VOPP1: variants seen among roughly 807,000 people sequenced by gnomAD.
VOPP1 encodes the protein WW domain binding protein VOPP1.
A neutral mutation model predicts 23.5 loss-of-function variants in VOPP1; 8 were observed. The observed-to-expected ratio is 0.34, with a 90% confidence interval of 0.20 to 0.61. The LOEUF (loss-of-function observed/expected upper bound fraction) is 0.61, where lower values mean the gene tolerates loss of function less well. Ranked by LOEUF, VOPP1 falls within the 20% of genes least tolerant of loss-of-function variation. The pLI is 0.78. For synonymous variants in VOPP1, 83 were observed against 97.3 expected, an observed-to-expected ratio of 0.85 and a Z score of 0.86; for missense variants, 174 against 238.1, an observed-to-expected ratio of 0.73 and a Z score of 1.77.
At chr7:55,522,423 G>T (rs1435739876) in intron 1 of VOPP1, among the ~76,000 whole-genome samples, 2 of 152,192 alleles carry the variant, frequency 1.3e-5, no homozygotes, top group African/African-American at 4.8e-5. Context: ...GTTAGCTCCT[G>T]TCCAGTTTAA....
At chr7:55,484,804 C>T (rs1352564937) in intron 4 of VOPP1, among the ~76,000 whole-genome samples, 1 of 152,164 alleles carries the variant, frequency 6.6e-6, no homozygotes, top group Admixed American at 6.5e-5. Context: ...AGCAACCCAC[C>T]CTACTGACAC....
intron 1 of VOPP1, among the ~76,000 whole-genome samples, chr7:55,536,866 G>A (rs541372264): frequency 6.6e-6 from 1 of 152,266 alleles, no homozygotes; most frequent in Non-Finnish European, 1.5e-5. Flanking sequence ...TCACTCAACA[G>A]GGCATTCAAT....
At chr7:55,500,927 C>T (rs55776013) in intron 2 of VOPP1, among the ~76,000 whole-genome samples, 33,154 of 152,142 alleles carry the variant, frequency 0.22, 4,137 homozygotes, top group African/African-American at 0.34. Context: ...CAAAGGGTCA[C>T]CTTCTCTATC....
intron 4 of VOPP1, among the ~76,000 whole-genome samples, chr7:55,446,135 G>C (rs1227701144): frequency 6.6e-6 from 1 of 151,988 alleles, no homozygotes; most frequent in East Asian, 1.9e-4. Context: ...TGGGACTACA[G>C]GTGCCCGCCA....
At chr7:55,525,359 G>A (rs1237792095) in intron 1 of VOPP1, among the ~76,000 whole-genome samples, 1 of 152,024 alleles carries the variant, frequency 6.6e-6, no homozygotes, top group African/African-American at 2.4e-5. Flanking sequence ...CGTGGTGGTG[G>A]GCGCCTGTAG....
intron 1 of VOPP1, among the ~76,000 whole-genome samples, chr7:55,565,042 C>G (rs1370701171): frequency 6.6e-6 from 1 of 152,196 alleles, no homozygotes; most frequent in Non-Finnish European, 1.5e-5. Flanking sequence ...ACATTGTTCT[C>G]TTGTTGACAG....
intron 4 of VOPP1, 56 bp from the exon 5 acceptor site, chr7:55,473,101 AGTAT>A: frequency 6.4e-7 from 1 of 1,555,424 alleles, no homozygotes; most frequent in Non-Finnish European, 8.6e-7. Context: ...TCACACCGCA[AGTAT>A]GTGCAGGCTG....
At chr7:55,554,207 T>C (rs1234104819) in intron 1 of VOPP1, among the ~76,000 whole-genome samples, 2 of 152,208 alleles carry the variant, frequency 1.3e-5, no homozygotes, top group Admixed American at 6.5e-5. Context: ...AGGTTACACA[T>C]GTGTGATGCC....
chr7:55,477,614 CAG>C, intron 4 of VOPP1, among the ~76,000 whole-genome samples: 1 of 152,330 alleles, frequency 6.6e-6, no homozygotes, highest in Middle Eastern at 3.4e-3. Flanking sequence ...ACTCACGCTG[CAG>C]AACCAGAAAC....
Position 55,462,957 on chromosome 7 carries a change from T to G in VOPP1, n.418-26783A>C, listed in dbSNP as rs138687706. 9.5e-3 allele frequency among the ~76,000 whole-genome samples: 1,442 copies of G among 151,690 alleles called. 13 individuals are homozygous for G. Among genetic ancestry groups the G allele is most frequent in the Admixed American group, 0.016 (241 of 15,190 alleles). ...CATTCATTGAACCCTTCAGTCCCAG[T>G]ATTTCTGTTTGGTTCTTTCTTTATG... On this transcript the variant is annotated intron_variant and non_coding_transcript_variant, in intron 4 of 4. Transcript: ENST00000462326.
intron 4 of VOPP1, among the ~76,000 whole-genome samples, chr7:55,465,604 T>C (rs976297287): frequency 3.3e-5 from 5 of 152,212 alleles, no homozygotes; most frequent in African/African-American, 9.7e-5. Flanking sequence ...CAAGGAATTG[T>C]AGAATGAGAG....
At chr7:55,439,404 C>T (rs536876412) in intron 4 of VOPP1, among the ~76,000 whole-genome samples, 4 of 152,072 alleles carry the variant, frequency 2.6e-5, no homozygotes, top group Admixed American at 2.0e-4. Context: ...GTGAACTCCT[C>T]GGCAGCACAG....
intron 1 of VOPP1, among the ~76,000 whole-genome samples, chr7:55,557,520 T>C (rs1797850846): frequency 6.6e-6 from 1 of 151,744 alleles, no homozygotes; most frequent in Non-Finnish European, 1.5e-5. Context: ...CTCTTATGTC[T>C]GTTTATATTT....
intron 1 of VOPP1, among the ~76,000 whole-genome samples, chr7:55,552,487 C>T (rs1160919307): frequency 3.9e-5 from 6 of 152,154 alleles, no homozygotes; most frequent in Admixed American, 2.0e-4. Context: ...TTTTTCAGAC[C>T]TACACACTCA....
intron 1 of VOPP1, 59 bp downstream of exon 1, chr7:55,572,212 C>G: frequency 6.9e-7 from 1 of 1,449,434 alleles, no homozygotes; most frequent in Admixed American, 2.1e-5. Flanking sequence ...ACTGCGCGCC[C>G]CCAGCCGCCA....
chr7:55,469,580 TG>T (rs1791722627), downstream of VOPP1, among the ~76,000 whole-genome samples: 1 of 152,252 alleles, frequency 6.6e-6, no homozygotes. Flanking sequence ...AAGGCCCAGC[TG>T]CAAGGGTGCA....
chr7:55,467,381 G>A (rs1252916011), downstream of VOPP1, among the ~76,000 whole-genome samples: 2 of 152,204 alleles, frequency 1.3e-5, no homozygotes, highest in Admixed American at 1.3e-4. Flanking sequence ...ACAGCCATTG[G>A]TCAATCTCCC....
At chr7:55,528,677 T>G (rs1314602225) in intron 1 of VOPP1, among the ~76,000 whole-genome samples, 1 of 150,244 alleles carries the variant, frequency 6.7e-6, no homozygotes, top group Non-Finnish European at 1.5e-5. Flanking sequence ...CAGAGCAAGC[T>G]CTGTCTCAAA....
At chr7:55,448,301 A>G (rs1791151235) in intron 4 of VOPP1, among the ~76,000 whole-genome samples, 1 of 142,312 alleles carries the variant, frequency 7.0e-6, no homozygotes, top group South Asian at 2.3e-4. Context: ...TATCAATATC[A>G]TAAAGTTCAA....
Sources: allele counts gnomAD v4.1 joint callset (sites outside exome capture counted in the v4.1 genomes callset), GRCh38; gene constraint gnomAD v4.1.1; transcripts MANE v1.5; gene names NCBI Gene and HGNC (gene_info 2026-07-23, HGNC 2026-07-21).